Variants in BAZ2B observed in about 807,000 individuals in gnomAD.
BAZ2B encodes the protein bromodomain adjacent to zinc finger domain protein 2B.
In BAZ2B, 91 loss-of-function variants were observed where a neutral mutation model predicts 246.0. That is an observed-to-expected ratio of 0.37 (90% confidence interval 0.31 to 0.44). BAZ2B has a LOEUF of 0.44. BAZ2B is among the 20% of genes least tolerant of loss of function. BAZ2B has a pLI of 1.00. For missense variants in BAZ2B, 2,332 were observed against 2,533.7 expected (o/e 0.92, Z 1.71); for synonymous variants, 855 against 860.0 (o/e 0.99, Z 0.10).
At chr2:159,644,466 C>T in the BAZ2B span, among the ~76,000 whole-genome samples, 10 of 152,302 alleles carry the variant, frequency 6.6e-5, no homozygotes, top group South Asian at 1.7e-3. Flanking sequence ...TCTGTGAGGG[C>T]ATTACCCTCT....
the BAZ2B span, among the ~76,000 whole-genome samples, chr2:159,662,724 G>A: frequency 6.6e-6 from 1 of 151,814 alleles, no homozygotes; most frequent in African/African-American, 2.4e-5. Flanking sequence ...TAGACATGGG[G>A]TTTCACCATG....
Position 159,320,093 on chromosome 2 carries a change from G to A in BAZ2B, c.*172C>T, listed in dbSNP as rs982999809. On this transcript the variant is annotated 3_prime_UTR_variant, in exon 37 of 37. Transcript: ENST00000392783. ...CCAATAACCGAGGGCCTTGGTTGTT[G>A]TAGGAATGAAGCCTTTAAAAATGGT... is the stretch of plus-strand genomic sequence containing the variant. The A allele has an allele frequency of 1.8e-6, 1 of 563,028 alleles. No individual in the cohort carries two copies. The highest frequency in any genetic ancestry group is 4.8e-5 in the South Asian group (1 of 20,688). The allele number at this position is 563,028 out of a possible 1,614,324, so 34.9% of individuals were successfully genotyped here. A position where few individuals can be genotyped will look rare whatever the true frequency, so the allele number is the denominator to read the frequency against.
chr2:159,583,112 C>CTTTT (rs11296306), intron 1 of BAZ2B, among the ~76,000 whole-genome samples: 13 of 137,584 alleles, frequency 9.4e-5, no homozygotes, highest in African/African-American at 2.3e-4. Context: ...TTTTTCTTTT[C>CTTTT]TTTTTTTTTT....
At position 159,395,760 on chromosome 2, in the gene BAZ2B, T is replaced by C. The variant is rs748538300; in HGVS notation, c.3075+9A>G. ...ATAAGGTAATATTTTTCTAGAAACA[T>C]ACACTTACTTCTGCTTTTTTACGAG... On this transcript the variant is annotated intron_variant, in intron 20 of 36. Coordinates refer to ENST00000392783, the MANE Select transcript of BAZ2B (RefSeq NM_013450.4). 3 of 1,600,308 alleles carry C rather than the reference T, an allele frequency of 1.9e-6. No homozygotes were observed. Among genetic ancestry groups the C allele is most frequent in the South Asian group, 1.1e-5 (1 of 90,046 alleles).
At chr2:159,599,935 C>CAAAAACAA in intron 1 of BAZ2B, among the ~76,000 whole-genome samples, 1 of 101,610 alleles carries the variant, frequency 9.8e-6, no homozygotes, top group Non-Finnish European at 1.9e-5. Flanking sequence ...GACTCCTTCT[C>CAAAAACAA]AAAAAAAAAA....
chr2:159,438,943 C>A (rs2072904690), intron 7 of BAZ2B, 66 bp downstream of exon 7: 2 of 1,493,740 alleles, frequency 1.3e-6, no homozygotes, highest in African/African-American at 2.8e-5. Context: ...CTTTGAGAGT[C>A]AAGATAAACC....
intron 1 of BAZ2B, among the ~76,000 whole-genome samples, chr2:159,592,738 T>C (rs1689694422): frequency 6.6e-6 from 1 of 152,148 alleles, no homozygotes; most frequent in African/African-American, 2.4e-5. Flanking sequence ...CTAGCCCCAG[T>C]TGAGCCTTGC....
At chr2:159,382,496 T>C in intron 25 of BAZ2B, 63 bp downstream of exon 25, 1 of 1,474,614 alleles carries the variant, frequency 6.8e-7, no homozygotes, top group African/African-American at 1.4e-5. Context: ...TGACTCCAAA[T>C]TCTGTTTTTA....
At chr2:159,443,037 T>G (rs1475311063) in intron 6 of BAZ2B, among the ~76,000 whole-genome samples, 1 of 152,198 alleles carries the variant, frequency 6.6e-6, no homozygotes, top group Non-Finnish European at 1.5e-5. Flanking sequence ...CAATTTTGGG[T>G]GGTATATACC....
chr2:159,342,996 G>A (rs1375955961), intron 31 of BAZ2B, among the ~76,000 whole-genome samples: 1 of 152,146 alleles, frequency 6.6e-6, no homozygotes, highest in East Asian at 1.9e-4. Flanking sequence ...GGAGGTATCA[G>A]ACTACTAAGA....
chr2:159,377,162 A>G (rs1023771847), intron 25 of BAZ2B, among the ~76,000 whole-genome samples: 2 of 152,214 alleles, frequency 1.3e-5, no homozygotes. Flanking sequence ...ATGGGTCTCA[A>G]TAAGAAAACC....
chr2:159,589,100 T>C (rs1021449157), intron 1 of BAZ2B, among the ~76,000 whole-genome samples: 1 of 152,212 alleles, frequency 6.6e-6, no homozygotes, highest in Non-Finnish European at 1.5e-5. Context: ...TAACTTTTAT[T>C]AAGAGAACGA....
chr2:159,655,659 T>C, the BAZ2B span, among the ~76,000 whole-genome samples: 2 of 152,330 alleles, frequency 1.3e-5, no homozygotes, highest in East Asian at 3.9e-4. Flanking sequence ...TGACATTGCA[T>C]TGGATAATTT....
chr2:159,509,679 G>A (rs1287968589), intron 2 of BAZ2B, among the ~76,000 whole-genome samples: 1 of 151,978 alleles, frequency 6.6e-6, no homozygotes, highest in Non-Finnish European at 1.5e-5. Flanking sequence ...ACAGGGACTT[G>A]AAAACATACT....
the BAZ2B span, among the ~76,000 whole-genome samples, chr2:159,667,366 C>G: frequency 2.0e-5 from 3 of 152,034 alleles, no homozygotes; most frequent in Non-Finnish European, 1.5e-5. Context: ...AAGGCCAAGG[C>G]AGGTGGATCA....
chr2:159,630,344 T>C, the BAZ2B span, among the ~76,000 whole-genome samples: 4 of 151,818 alleles, frequency 2.6e-5, no homozygotes, highest in African/African-American at 7.3e-5. Context: ...AAAAACAAAA[T>C]ACAATCCCAT....
intron 27 of BAZ2B, among the ~76,000 whole-genome samples, chr2:159,372,308 T>C (rs1015668998): frequency 2.6e-5 from 4 of 152,218 alleles, no homozygotes; most frequent in African/African-American, 7.2e-5. Context: ...TGTAAGAACA[T>C]TTTTGCTTCC....
chr2:159,411,048 G>T (rs138568483), intron 14 of BAZ2B, among the ~76,000 whole-genome samples: 11 of 152,104 alleles, frequency 7.2e-5, no homozygotes, highest in Admixed American at 3.9e-4. Context: ...TAGAGACAGG[G>T]TCTCACTCTG....
chr2:159,412,609 GTAAGAAAATTCTAGC>G, intron 13 of BAZ2B, 64 bp from the exon 14 acceptor site: 1 of 1,441,392 alleles, frequency 6.9e-7, no homozygotes, highest in Non-Finnish European at 9.4e-7. Context: ...AGATCAACAT[GTAAGAAAATTCTAGC>G]TAAAAATCAC....
Sources: gnomAD v4.1 joint callset for allele counts (sites outside exome capture counted in the v4.1 genomes callset) on GRCh38, gnomAD v4.1.1 for gene constraint, MANE v1.5 for transcripts, NCBI Gene and HGNC (gene_info 2026-07-23, HGNC 2026-07-21) for gene names.